The following ALK variants were observed in gnomAD, a reference collection of about 807,000 sequenced individuals.
The protein encoded by ALK is ALK tyrosine kinase receptor.
Under a neutral mutation model 163.1 loss-of-function variants are expected in ALK, and 74 were observed. The observed-to-expected ratio is 0.45, with a 90% CI of 0.38 to 0.55. The LOEUF (loss-of-function observed/expected upper bound fraction) is 0.55. Among genes scored for constraint, ALK ranks in the 20% least tolerant of loss-of-function variants. The pLI, the probability that ALK is intolerant of heterozygous loss-of-function variation, is 0.00. For missense variants in ALK, 2,063 were observed against 2,105.3 expected (o/e 0.98, Z 0.39); for synonymous variants, 960 against 843.2 (o/e 1.14, Z -2.40).
intron 2 of ALK, among the ~76,000 whole-genome samples, chr2:29,712,969 A>T (rs1423574536): frequency 6.6e-6 from 1 of 152,178 alleles, no homozygotes; most frequent in African/African-American, 2.4e-5. Context: ...GGGTGGCTTA[A>T]AATAACGGAA....
intron 1 of ALK, among the ~76,000 whole-genome samples, chr2:29,882,421 C>T (rs1213923255): frequency 2.0e-5 from 3 of 152,256 alleles, no homozygotes; most frequent in South Asian, 4.1e-4. Context: ...CCAGGCTGGG[C>T]GCAGTGGCTC....
intron 1 of ALK, among the ~76,000 whole-genome samples, chr2:29,830,280 A>T (rs78433454): frequency 0.011 from 1,721 of 152,330 alleles, 41 homozygotes; most frequent in African/African-American, 0.038. Flanking sequence ...GGGAAAAATT[A>T]TTCCCAATCT....
At chr2:29,838,847 G>A (rs1665631522) in intron 1 of ALK, among the ~76,000 whole-genome samples, 1 of 152,064 alleles carries the variant, frequency 6.6e-6, no homozygotes, top group African/African-American at 2.4e-5. Flanking sequence ...GGTTATGCAG[G>A]TGCATGCAGT....
At chr2:29,320,648 C>G in intron 7 of ALK, 103 bp downstream of exon 7, 1 of 1,535,250 alleles carries the variant, frequency 6.5e-7, no homozygotes, top group South Asian at 1.1e-5. Context: ...GTCAGACACC[C>G]GAGCTTGCCC....
chr2:29,285,331 C>T (rs1465008897), intron 9 of ALK, among the ~76,000 whole-genome samples: 1 of 152,194 alleles, frequency 6.6e-6, no homozygotes, highest in Non-Finnish European at 1.5e-5. Flanking sequence ...TCTTGGCTTA[C>T]TGCAACCTCC....
intron 4 of ALK, among the ~76,000 whole-genome samples, chr2:29,427,527 A>T (rs1247062255): frequency 6.6e-6 from 1 of 152,110 alleles, no homozygotes; most frequent in Non-Finnish European, 1.5e-5. Flanking sequence ...CCCTAGAGAA[A>T]CTACTAAGAA....
At chr2:29,725,305 C>CCTTAGT (rs1334618158) in intron 1 of ALK, among the ~76,000 whole-genome samples, 4 of 152,148 alleles carry the variant, frequency 2.6e-5, no homozygotes, top group African/African-American at 9.7e-5. Context: ...TCCCATTACT[C>CCTTAGT]CTTAGTCTCC....
At chr2:29,899,129 G>A (rs1377532889) in intron 1 of ALK, among the ~76,000 whole-genome samples, 1 of 152,150 alleles carries the variant, frequency 6.6e-6, no homozygotes, top group Non-Finnish European at 1.5e-5. Flanking sequence ...TACTGAATGA[G>A]AAACTCTGGG....
At chr2:29,431,632 A>C (rs891285546) in intron 4 of ALK, among the ~76,000 whole-genome samples, 7 of 152,152 alleles carry the variant, frequency 4.6e-5, no homozygotes, top group Non-Finnish European at 1.5e-5. Flanking sequence ...GCAAGCAAGA[A>C]CTGCAACAGG....
intron 8 of ALK, among the ~76,000 whole-genome samples, chr2:29,298,786 T>C (rs901217743): frequency 5.3e-5 from 8 of 152,176 alleles, no homozygotes; most frequent in Non-Finnish European, 2.9e-5. Context: ...TTTCTTTTCC[T>C]TTTCTCTCTT....
At chr2:29,398,752 C>T (rs1273314509) in intron 4 of ALK, among the ~76,000 whole-genome samples, 1 of 152,068 alleles carries the variant, frequency 6.6e-6, no homozygotes, top group Non-Finnish European at 1.5e-5. Context: ...TAGACCGTGA[C>T]AAAGGCTGGA....
chr2:29,313,001 TTA>T (rs1558665207), intron 8 of ALK, among the ~76,000 whole-genome samples: 2 of 152,100 alleles, frequency 1.3e-5, no homozygotes, highest in Non-Finnish European at 2.9e-5. Context: ...AGAGATAACA[TTA>T]CCCTGGAATC....
At chr2:29,574,048 C>A (rs1573467876) in intron 3 of ALK, among the ~76,000 whole-genome samples, 1 of 112,474 alleles carries the variant, frequency 8.9e-6, no homozygotes, top group African/African-American at 3.2e-5. Flanking sequence ...TGGCCAGAAC[C>A]CCCTATCTGA....
rs11892151 is a variant in ALK, at chr2:29,853,605, A to G, written c.667+66388T>C. ...CCCACCTCTGCTCTCCCTACCTACCACTCTCCATGCAGTCTTCTTAACACT... is the reference window on the plus strand; with the variant it reads ...CCCACCTCTGCTCTCCCTACCTACCGCTCTCCATGCAGTCTTCTTAACACT... On this transcript the variant is annotated intron_variant, in intron 1 of 28. Coordinates refer to ENST00000389048, the MANE Select transcript of ALK (RefSeq NM_004304.5). 5.4e-3 allele frequency among the ~76,000 whole-genome samples: 821 copies of G among 151,420 alleles called. 4 individuals carry two copies. Among genetic ancestry groups the G allele is most frequent in the African/African-American group, 0.019 (784 of 41,236 alleles).
At chr2:29,893,820 G>A (rs1667205316) in intron 1 of ALK, among the ~76,000 whole-genome samples, 1 of 152,136 alleles carries the variant, frequency 6.6e-6, no homozygotes, top group South Asian at 2.1e-4. Context: ...GGAAAAGCAT[G>A]GAGCTGACAG....
At chr2:29,795,872 G>T (rs1407966259) in intron 1 of ALK, among the ~76,000 whole-genome samples, 2 of 151,956 alleles carry the variant, frequency 1.3e-5, no homozygotes, top group Admixed American at 6.6e-5. Context: ...TAATTAGCAT[G>T]ACATTTTTAT....
chr2:29,826,293 T>A (rs907720248), intron 1 of ALK, among the ~76,000 whole-genome samples: 1 of 152,096 alleles, frequency 6.6e-6, no homozygotes, highest in Non-Finnish European at 1.5e-5. Context: ...GACTTTTTTG[T>A]GTGTGAAAAA....
At position 29,805,503 on chromosome 2, in the gene ALK, T is replaced by A. The variant is rs540300720; in HGVS notation, c.668-87806A>T. On this transcript the variant is annotated intron_variant, in intron 1 of 28. Transcript: ENST00000389048. ...ATGCTGATGCTCTCCTTCCTCCTGC[T>A]CCCAGACAGGCCCCAGTGTGTGTGG... 6.6e-5 allele frequency among the ~76,000 whole-genome samples: 10 copies of A among 152,226 alleles called. No individual in the cohort carries two copies. In the East Asian group the frequency reaches 1.7e-3, roughly 26 times the overall value.
At chr2:29,914,953 T>C (rs1293376871) in intron 1 of ALK, among the ~76,000 whole-genome samples, 1 of 152,246 alleles carries the variant, frequency 6.6e-6, no homozygotes, top group Non-Finnish European at 1.5e-5. Flanking sequence ...TTACTTCATT[T>C]ACAAAATAAA....
Sources: allele counts gnomAD v4.1 joint callset (sites outside exome capture counted in the v4.1 genomes callset), GRCh38; gene constraint gnomAD v4.1.1; transcripts MANE v1.5; gene names NCBI Gene and HGNC (gene_info 2026-07-23, HGNC 2026-07-21).